PEBP4: variants seen among roughly 807,000 people sequenced by gnomAD.
PEBP4 encodes phosphatidylethanolamine binding protein 4, also known as phosphatidylethanolamine-binding protein 4.
In PEBP4, 22 loss-of-function variants were observed where a neutral mutation model predicts 23.9. That is an observed-to-expected ratio of 0.92 (90% CI 0.66 to 1.31). The LOEUF is 1.31. Ranked by LOEUF, PEBP4 falls within the 40% of genes most tolerant of loss-of-function variation. The pLI, the probability that PEBP4 is intolerant of heterozygous loss-of-function variation, is 0.00. For synonymous variants in PEBP4, 112 were observed against 99.3 expected, an observed-to-expected ratio of 1.13 and a Z score of -0.76; for missense variants, 324 against 281.7, an observed-to-expected ratio of 1.15 and a Z score of -1.07.
At chr8:22,880,425 C>T (rs1388548490) in intron 3 of PEBP4, 1 of 152,116 alleles carries the variant, frequency 6.6e-6, no homozygotes, top group Non-Finnish European at 1.5e-5. Context: ...AGATGGCCGC[C>T]CTGGGGTTTT....
chr8:22,849,739 C>T (rs117312750), intron 3 of PEBP4, among the ~76,000 whole-genome samples: 569 of 152,326 alleles, frequency 3.7e-3, no homozygotes, highest in Non-Finnish European at 5.7e-3. Flanking sequence ...CTTCACTCTT[C>T]ATATCTACTT....
rs186171017 is a variant in PEBP4 at position 22,726,755 on chromosome 8, T to C, written c.403+420A>G. On this transcript the variant is annotated intron_variant, in intron 5 of 6. Transcript: ENST00000256404. ...ACGCTGCTTCACGGAACTGCAGGGC[T>C]AAGTTTGGTGCCCAGTGCTGTGCCA... 3.0e-4 allele frequency among the ~76,000 whole-genome samples: 45 copies of C among 152,142 alleles called. 1 individual carries two copies. In the East Asian group the frequency reaches 8.7e-3, roughly 30 times the overall value.
chr8:22,782,747 C>A (rs1170873882), intron 4 of PEBP4, among the ~76,000 whole-genome samples: 1 of 152,196 alleles, frequency 6.6e-6, no homozygotes. Context: ...CTCTGATCCT[C>A]CAGGAGGTTA....
At chr8:22,910,727 G>A (rs1030303284) in intron 3 of PEBP4, among the ~76,000 whole-genome samples, 7 of 152,208 alleles carry the variant, frequency 4.6e-5, no homozygotes, top group Admixed American at 3.9e-4. Context: ...CATATTGTAT[G>A]ATTCCAACTT....
intron 1 of PEBP4, among the ~76,000 whole-genome samples, chr8:22,940,395 C>T (rs939906002): frequency 3.3e-5 from 5 of 151,908 alleles, no homozygotes; most frequent in Admixed American, 3.3e-4. Flanking sequence ...CACCTAGAAA[C>T]GCCATGAAGA....
intron 3 of PEBP4, among the ~76,000 whole-genome samples, chr8:22,839,376 G>C (rs1351518472): frequency 6.6e-6 from 1 of 152,156 alleles, no homozygotes; most frequent in East Asian, 1.9e-4. Flanking sequence ...GAGCTAGATG[G>C]GCTCAAGGCC....
intron 4 of PEBP4, among the ~76,000 whole-genome samples, chr8:22,774,477 G>A (rs1437591305): frequency 1.3e-5 from 2 of 152,224 alleles, no homozygotes; most frequent in Non-Finnish European, 2.9e-5. Context: ...GAGCCCCATA[G>A]GCAGCTGTCT....
At chr8:22,774,115 C>G (rs1338923451) in intron 4 of PEBP4, among the ~76,000 whole-genome samples, 1 of 152,228 alleles carries the variant, frequency 6.6e-6, no homozygotes. Context: ...GGAAAGTGCT[C>G]TGTCGATCAC....
intron 4 of PEBP4, among the ~76,000 whole-genome samples, chr8:22,741,325 G>A (rs377060443): frequency 1.0e-3 from 152 of 152,334 alleles, no homozygotes; most frequent in African/African-American, 3.5e-3. Flanking sequence ...ATTTGTCTGA[G>A]CCAACGGAAG....
chr8:22,901,019 A>C (rs1808699990), intron 3 of PEBP4, among the ~76,000 whole-genome samples: 1 of 152,250 alleles, frequency 6.6e-6, no homozygotes, highest in South Asian at 2.1e-4. Flanking sequence ...AAAATGTTTA[A>C]AAATAATTTT....
At position 22,736,034 on chromosome 8, in the gene PEBP4, C is replaced by T. The variant is rs1303108254; in HGVS notation, c.358-8814G>A. Among the ~76,000 whole-genome samples, 3 of 152,190 alleles carry T rather than the reference C, an allele frequency of 2.0e-5. No individual in the cohort carries two copies. In the East Asian group the frequency reaches 5.8e-4, roughly 29 times the overall value. ...CCAAAGTTTCTTGTCACACAGATGG[C>T]AGCTTCGAGCCCCTGGTGCCTCTGG... is the stretch of plus-strand genomic sequence containing the variant. On this transcript the variant is annotated intron_variant, in intron 4 of 6. Coordinates refer to ENST00000256404, the MANE Select transcript of PEBP4 (RefSeq NM_144962.3).
chr8:22,918,604 C>T (rs959129862), intron 3 of PEBP4, among the ~76,000 whole-genome samples: 2 of 152,198 alleles, frequency 1.3e-5, no homozygotes, highest in Admixed American at 6.5e-5. Flanking sequence ...ATCATCAGCA[C>T]GCGGAAGGGA....
intron 4 of PEBP4, among the ~76,000 whole-genome samples, chr8:22,810,677 TG>T (rs1563223640): frequency 8.5e-5 from 8 of 94,270 alleles, no homozygotes; most frequent in Admixed American, 3.3e-4. Context: ...GGGGTGTGTG[TG>T]TGTGTGTGTG....
rs140027061 is a variant in PEBP4 at position 22,827,236 on chromosome 8, G to A, written c.259-9501C>T. ...AAGTTTTAAAAAACAGCTATATGGA[G>A]GTATAGTTTACATATAATAAACTTC... is the stretch of plus-strand genomic sequence containing the variant. On this transcript the variant is annotated intron_variant, in intron 3 of 6. Coordinates refer to ENST00000256404, the MANE Select transcript of PEBP4 (RefSeq NM_144962.3). 4.3e-4 allele frequency among the ~76,000 whole-genome samples: 66 copies of A among 152,142 alleles called. No homozygotes were observed. In the East Asian group the frequency reaches 0.013, roughly 29 times the overall value.
chr8:22,717,122 C>A (rs1804432689), intron 6 of PEBP4, among the ~76,000 whole-genome samples: 2 of 152,154 alleles, frequency 1.3e-5, no homozygotes, highest in South Asian at 4.1e-4. Context: ...ACAGCCTTGA[C>A]CTCCCAGGCT....
Position 22,865,696 on chromosome 8 carries a change from G to T in PEBP4, c.259-47961C>A, listed in dbSNP as rs938985056. ...GACTCCGTTCCAGCCACCTCCCGCC[G>T]CCCGGATCCCAGAGGAAAGGGGAGA... On this transcript the variant is annotated intron_variant, in intron 3 of 6. Transcript: ENST00000256404. The surrounding 1 kb of genome is among the most constrained non-coding windows in gnomAD (Gnocchi z 6.9). 6.6e-6 allele frequency among the ~76,000 whole-genome samples: 1 copy of T among 152,088 alleles called. No individual in the cohort carries two copies. The highest frequency in any genetic ancestry group is 2.4e-5 in the African/African-American group (1 of 41,424).
At chr8:22,751,253 G>T (rs1184046978) in intron 4 of PEBP4, among the ~76,000 whole-genome samples, 1 of 152,110 alleles carries the variant, frequency 6.6e-6, no homozygotes, top group South Asian at 2.1e-4. Context: ...AGAGGAAGAG[G>T]CCCTCAAGTC....
chr8:22,754,158 G>A (rs1391657022), intron 4 of PEBP4, among the ~76,000 whole-genome samples: 1 of 152,092 alleles, frequency 6.6e-6, no homozygotes, highest in East Asian at 1.9e-4. Flanking sequence ...CAAGCCCCAG[G>A]GTCTGATGTC....
Position 22,865,677 on chromosome 8 carries a change from G to T in PEBP4, c.259-47942C>A, listed in dbSNP as rs1053872205. ...GGAGGAGGAGGCAAAGGAAGACTCCGTTCCAGCCACCTCCCGCCGCCCGGA... is the reference window on the plus strand; with the variant it reads ...GGAGGAGGAGGCAAAGGAAGACTCCTTTCCAGCCACCTCCCGCCGCCCGGA... On this transcript the variant is annotated intron_variant, in intron 3 of 6. Transcript: ENST00000256404. This position sits in a 1 kb window ranked among gnomAD's most constrained non-coding sequence, Gnocchi z 6.9. Among the ~76,000 whole-genome samples, 1 of 152,098 alleles carries T rather than the reference G, an allele frequency of 6.6e-6. No homozygotes were observed. Among genetic ancestry groups the T allele is most frequent in the East Asian group, 1.9e-4 (1 of 5,192 alleles).
Sources: allele counts gnomAD v4.1 joint callset (sites outside exome capture counted in the v4.1 genomes callset), GRCh38; gene constraint gnomAD v4.1.1; non-coding constraint Gnocchi (gnomAD v3.1); transcripts MANE v1.5; gene names NCBI Gene and HGNC (gene_info 2026-07-23, HGNC 2026-07-21).